Variants in PROS1 observed in about 807,000 individuals in gnomAD.
PROS1 encodes the protein protein S.
PROS1 carries 29 observed loss-of-function variants against 75.9 expected under a neutral mutation model. The ratio of observed to expected loss-of-function variants is 0.38; its 90% CI spans 0.28 to 0.52. The LOEUF is 0.52. Among genes scored for constraint, PROS1 ranks in the 20% least tolerant of loss-of-function variants. PROS1 has a pLI of 0.83. For missense variants in PROS1, 680 were observed against 810.3 expected (o/e 0.84, Z 1.95); for synonymous variants, 245 against 280.6 (o/e 0.87, Z 1.27).
intron 9 of PROS1, among the ~76,000 whole-genome samples, chr3:93,895,123 T>C (rs1435017656): frequency 6.6e-6 from 1 of 152,164 alleles, no homozygotes; most frequent in Non-Finnish European, 1.5e-5. Context: ...TAATACTCAA[T>C]ACAATGCAAA....
intron 2 of PROS1, among the ~76,000 whole-genome samples, chr3:93,924,587 G>C (rs1426493032): frequency 6.6e-6 from 1 of 150,842 alleles, no homozygotes; most frequent in Non-Finnish European, 1.5e-5. Context: ...ATAATGATTA[G>C]ATAACCATTT....
chr3:93,884,672 T>A (rs1430240345), intron 12 of PROS1, 56 bp downstream of exon 12: 6 of 1,509,492 alleles, frequency 4.0e-6, no homozygotes, highest in African/African-American at 1.4e-5. Flanking sequence ...TACTGTTTGT[T>A]AATGAATAAA....
intron 1 of PROS1, among the ~76,000 whole-genome samples, chr3:93,939,661 T>C (rs1473521260): frequency 6.6e-6 from 1 of 152,076 alleles, no homozygotes; most frequent in Non-Finnish European, 1.5e-5. Flanking sequence ...ATCTGACCTC[T>C]CCCAAAGCAG....
At chr3:93,936,822 T>C (rs925554847) in intron 1 of PROS1, among the ~76,000 whole-genome samples, 1 of 152,222 alleles carries the variant, frequency 6.6e-6, no homozygotes, top group Non-Finnish European at 1.5e-5. Context: ...GCAGAGAGTA[T>C]TTATGGCTTC....
chr3:93,927,366 G>C lies in PROS1; in HGVS notation c.118C>G (p.Arg40Gly). The change falls in exon 2 of 15, where the codon CGT (arginine) becomes GGT (glycine). Residue 40 changes from arginine (R) to glycine (G), a missense_variant. Coordinates refer to ENST00000394236, the MANE Select transcript of PROS1 (RefSeq NM_000313.4). Reference sequence around the variant, plus strand: ...TCTTCAAGTAAAGAATTTGCACGACGCTTCCTAACCAGGACTTGTGAAGCC... The same window carrying C: ...TCTTCAAGTAAAGAATTTGCACGACCCTTCCTAACCAGGACTTGTGAAGCC... ...QQASQVLVRK[R>G]RANSLLEETK... 1.2e-6 allele frequency: 2 copies of C among 1,614,060 alleles called. No homozygotes were observed. Among genetic ancestry groups the C allele is most frequent in the South Asian group, 2.2e-5 (2 of 91,076 alleles).
At chr3:93,950,182 A>C (rs1576211971) in intron 1 of PROS1, among the ~76,000 whole-genome samples, 2 of 152,202 alleles carry the variant, frequency 1.3e-5, no homozygotes, top group African/African-American at 4.8e-5. Flanking sequence ...CAAAGCAGCC[A>C]GGAAGCTCGA....
intron 9 of PROS1, among the ~76,000 whole-genome samples, chr3:93,894,724 C>G (rs1262704153): frequency 6.6e-6 from 1 of 152,058 alleles, no homozygotes; most frequent in Non-Finnish European, 1.5e-5. Flanking sequence ...TCATGAGCAA[C>G]AGACGTCAAG....
Position 93,927,394 on chromosome 3 carries a change from T to C in PROS1, c.90A>G (p.Gln30=). 3 of 1,614,128 alleles carry C rather than the reference T, an allele frequency of 1.9e-6. No homozygotes were observed. The highest frequency in any genetic ancestry group is 2.5e-6 in the Non-Finnish European group (3 of 1,180,018). The stretch of plus-strand genomic sequence containing the variant: ...TCCTAACCAGGACTTGTGAAGCCTG[T>C]TGCTTTGACAAAACTGAAGGAAACA... ...PVSEANFLSK[Q]QASQVLVRKR... is the part of the protein sequence containing the mutation. The change falls in exon 2 of 15, where the codon CAA becomes CAG. Residue 30 remains glutamine (Q), a synonymous_variant. Coordinates refer to ENST00000394236, the MANE Select transcript of PROS1 (RefSeq NM_000313.4).
At chr3:93,934,182 TAA>T (rs996626567) in intron 1 of PROS1, among the ~76,000 whole-genome samples, 1 of 141,570 alleles carries the variant, frequency 7.1e-6, no homozygotes. Flanking sequence ...GCCATCACAT[TAA>T]AAAAAAAAAG....
Position 93,877,090 on chromosome 3 carries a change from GT to G in PROS1, c.1745del (p.Asn582ThrfsTer11), listed in dbSNP as rs771849864. The G allele has an allele frequency of 6.2e-7, 1 of 1,612,844 alleles. No homozygotes were observed. Among genetic ancestry groups the G allele is most frequent in the South Asian group, 1.1e-5 (1 of 91,058 alleles). On this transcript the variant is annotated frameshift_variant, in exon 14 of 15. Coordinates refer to ENST00000394236, the MANE Select transcript of PROS1 (RefSeq NM_000313.4). LOFTEE classifies it high-confidence loss of function. ...TAAGTGGTGTCGACAACTCCAGATTGTTTCTGTTGACTCTAAATTCCAGATG... is the reference window on the plus strand; with the variant it reads ...TAAGTGGTGTCGACAACTCCAGATTGTTCTGTTGACTCTAAATTCCAGATG... ...QSHLEFRVNR[N>X]NLELSTPLKI... is the part of the protein sequence containing the mutation.
chr3:93,964,185 T>C (rs1709750497), intron 1 of PROS1, among the ~76,000 whole-genome samples: 2 of 152,140 alleles, frequency 1.3e-5, no homozygotes. Context: ...CAGTGCACCT[T>C]GAAAAAGAAC....
intron 3 of PROS1, among the ~76,000 whole-genome samples, chr3:93,914,395 T>G (rs1576191704): frequency 6.6e-6 from 1 of 152,220 alleles, no homozygotes; most frequent in Non-Finnish European, 1.5e-5. Flanking sequence ...CCAAGGCTTA[T>G]GAGGTATGTA....
intron 1 of PROS1, among the ~76,000 whole-genome samples, chr3:93,949,395 G>T (rs1313429617): frequency 1.3e-5 from 2 of 152,118 alleles, no homozygotes; most frequent in Non-Finnish European, 2.9e-5. Flanking sequence ...ACATTATTGG[G>T]ATGGGAGAGA....
chr3:93,915,532 C>A (rs1343052607), intron 3 of PROS1, among the ~76,000 whole-genome samples: 1 of 152,164 alleles, frequency 6.6e-6, no homozygotes, highest in Non-Finnish European at 1.5e-5. Flanking sequence ...GCTTAGAAAT[C>A]TCTGCTATCC....
chr3:93,887,120 T>C (rs1045586116), intron 10 of PROS1, among the ~76,000 whole-genome samples: 1 of 151,802 alleles, frequency 6.6e-6, no homozygotes, highest in Non-Finnish European at 1.5e-5. Flanking sequence ...GGGTTTCACC[T>C]TGTTAGCCAG....
At chr3:93,909,455 A>AT (rs1491172847) in intron 4 of PROS1, among the ~76,000 whole-genome samples, 1 of 151,140 alleles carries the variant, frequency 6.6e-6, no homozygotes, top group Non-Finnish European at 1.5e-5. Context: ...AAAAAAAAAA[A>AT]CGTACAAGTA....
intron 1 of PROS1, among the ~76,000 whole-genome samples, chr3:93,938,137 G>A (rs760568573): frequency 6.6e-6 from 1 of 152,134 alleles, no homozygotes; most frequent in East Asian, 1.9e-4. Flanking sequence ...AGCAAGTGAA[G>A]GATCACAAAA....
At chr3:93,939,126 C>A (rs1208064224) in intron 1 of PROS1, among the ~76,000 whole-genome samples, 1 of 152,260 alleles carries the variant, frequency 6.6e-6, no homozygotes, top group East Asian at 1.9e-4. Flanking sequence ...TTCTGCAATG[C>A]CACTTGACCC....
rs561573668 is a variant in PROS1, at chr3:93,879,047, T to C, written c.1644+116A>G. On this transcript the variant is annotated intron_variant, in intron 13 of 14. Coordinates refer to ENST00000394236, the MANE Select transcript of PROS1 (RefSeq NM_000313.4). ...GTGCTGGAGATTGTGCCAAACACTTTACATAAGTTACTTTATTTAATCTTC... is the reference window on the plus strand; with the variant it reads ...GTGCTGGAGATTGTGCCAAACACTTCACATAAGTTACTTTATTTAATCTTC... 1.4e-5 allele frequency: 15 copies of C among 1,079,264 alleles called. No individual in the cohort carries two copies. In the East Asian group the frequency reaches 3.9e-4, roughly 28 times the overall value. 66.9% of individuals were successfully genotyped at this position (1,079,264 alleles called of 1,614,324 possible). A position where few individuals can be genotyped will look rare whatever the true frequency, so the allele number is the denominator to read the frequency against.
Sources: allele counts gnomAD v4.1 joint callset (sites outside exome capture counted in the v4.1 genomes callset), GRCh38; gene constraint gnomAD v4.1.1; transcripts MANE v1.5; gene names NCBI Gene and HGNC (gene_info 2026-07-23, HGNC 2026-07-21).